KCNH8: variants seen among roughly 807,000 people sequenced by gnomAD.
KCNH8 encodes potassium voltage-gated channel subfamily H member 8, also known as voltage-gated delayed rectifier potassium channel KCNH8.
A neutral mutation model predicts 103.6 loss-of-function variants in KCNH8; 70 were observed. That is an observed-to-expected ratio of 0.68 (90% confidence interval 0.56 to 0.82). KCNH8 has a LOEUF of 0.82. Among genes scored for constraint, KCNH8 ranks in the 40% least tolerant of loss-of-function variants. KCNH8 has a pLI of 0.00. For missense variants in KCNH8, 1,217 were observed against 1,329.9 expected, an observed-to-expected ratio of 0.92 and a Z score of 1.32; for synonymous variants, 498 against 489.4, an observed-to-expected ratio of 1.02 and a Z score of -0.23.
chr3:19,240,157 G>C (rs1011878667), intron 1 of KCNH8, among the ~76,000 whole-genome samples: 11 of 151,912 alleles, frequency 7.2e-5, no homozygotes, highest in African/African-American at 2.7e-4. Context: ...CTCTTTTCAG[G>C]CTCATTTGAT....
intron 15 of KCNH8, among the ~76,000 whole-genome samples, chr3:19,529,611 A>T (rs1314361976): frequency 6.6e-6 from 1 of 152,190 alleles, no homozygotes; most frequent in Admixed American, 6.5e-5. Flanking sequence ...TTTTGATAGC[A>T]AGCACAGCAG....
chr3:19,432,235 A>AT (rs2067133949), intron 7 of KCNH8, among the ~76,000 whole-genome samples: 1 of 152,134 alleles, frequency 6.6e-6, no homozygotes, highest in African/African-American at 2.4e-5. Context: ...CGTGATTAGA[A>AT]TTTTCTTTTG....
intron 7 of KCNH8, among the ~76,000 whole-genome samples, chr3:19,419,294 G>T (rs1414342326): frequency 2.7e-5 from 4 of 149,310 alleles, no homozygotes; most frequent in African/African-American, 9.9e-5. Context: ...CTGCCTCCCG[G>T]GTTCACGCCA....
At chr3:19,157,860 C>T (rs980975593) in intron 1 of KCNH8, among the ~76,000 whole-genome samples, 2 of 151,672 alleles carry the variant, frequency 1.3e-5, no homozygotes, top group African/African-American at 4.8e-5. Context: ...AAAAATGGAA[C>T]ACTTTATTAG....
At chr3:19,524,900 C>G (rs1159893928) in intron 15 of KCNH8, among the ~76,000 whole-genome samples, 2 of 151,836 alleles carry the variant, frequency 1.3e-5, no homozygotes, top group African/African-American at 2.4e-5. Context: ...CAGAAGTTCA[C>G]CACAACTCCT....
chr3:19,316,431 A>T (rs146706130), intron 3 of KCNH8, among the ~76,000 whole-genome samples: 3 of 152,144 alleles, frequency 2.0e-5, no homozygotes, highest in African/African-American at 4.8e-5. Flanking sequence ...AAGATTAAGG[A>T]ATAGAAGCAG....
intron 1 of KCNH8, among the ~76,000 whole-genome samples, chr3:19,170,705 CACATATAT>C (rs2063336346): frequency 7.4e-6 from 1 of 135,410 alleles, no homozygotes; most frequent in African/African-American, 2.6e-5. Context: ...CATATATATA[CACATATAT>C]ACACACACAT....
chr3:19,172,535 T>A (rs1046084442), intron 1 of KCNH8, among the ~76,000 whole-genome samples: 4 of 152,226 alleles, frequency 2.6e-5, no homozygotes, highest in Non-Finnish European at 5.9e-5. Context: ...CATTGTTGTT[T>A]TCATCACTGT....
At chr3:19,415,616 G>A (rs573552062) in intron 7 of KCNH8, among the ~76,000 whole-genome samples, 1 of 152,006 alleles carries the variant, frequency 6.6e-6, no homozygotes, top group East Asian at 1.9e-4. Context: ...ATATATGCAC[G>A]AATTCCTCCA....
At chr3:19,185,962 A>C (rs1414494285) in intron 1 of KCNH8, among the ~76,000 whole-genome samples, 4 of 151,982 alleles carry the variant, frequency 2.6e-5, no homozygotes, top group African/African-American at 4.8e-5. Flanking sequence ...CTCTGCTTCA[A>C]AATGTAAGTT....
intron 2 of KCNH8, among the ~76,000 whole-genome samples, chr3:19,264,813 A>G (rs78002053): frequency 0.039 from 5,874 of 152,122 alleles, 388 homozygotes; most frequent in African/African-American, 0.13. Context: ...CCTTTGAGGA[A>G]TATCCTATTA....
chr3:19,374,021 A>G, intron 5 of KCNH8, among the ~76,000 whole-genome samples: 1 of 152,142 alleles, frequency 6.6e-6, no homozygotes, highest in Non-Finnish European at 1.5e-5. Context: ...GGAGTGCTTT[A>G]CTTCCAAGTA....
intron 3 of KCNH8, among the ~76,000 whole-genome samples, chr3:19,318,973 T>A (rs2065314255): frequency 6.6e-6 from 1 of 151,938 alleles, no homozygotes; most frequent in Non-Finnish European, 1.5e-5. Context: ...TTTCTATTCA[T>A]GCCCTTAGCT....
intron 7 of KCNH8, among the ~76,000 whole-genome samples, chr3:19,400,021 TC>T (rs2066586791): frequency 6.6e-6 from 1 of 150,698 alleles, no homozygotes; most frequent in African/African-American, 2.4e-5. Flanking sequence ...TGTGCGGGAG[TC>T]CTAACTTCCC....
rs2068855951 is a variant in KCNH8, at chr3:19,515,353, A to C, written c.2467A>C (p.Ser823Arg). The C allele has an allele frequency of 6.3e-7, 1 of 1,588,156 alleles. No individual in the cohort carries two copies. Among genetic ancestry groups the C allele is most frequent in the Non-Finnish European group, 8.6e-7 (1 of 1,167,044 alleles). ...IVDGIEDGNS[S>R]EESQTFDFGS... ...TGATGGAATTGAAGATGGAAACAGC[A>C]GTGAAGAAAGTCAGACTTTTGATTT... The change falls in exon 14 of 16, where the codon AGT becomes CGT. Residue 823 changes from serine (S) to arginine (R), a missense_variant. Ser to Arg is a moderately radical substitution (Grantham distance 110). Around this residue, in one of 3 missense-constraint regions of KCNH8, gnomAD observed 558 missense variants for 495.8 expected, o/e 1.13. Transcript: ENST00000328405.
intron 1 of KCNH8, among the ~76,000 whole-genome samples, chr3:19,211,161 T>C (rs2063767161): frequency 6.6e-6 from 1 of 152,110 alleles, no homozygotes; most frequent in Non-Finnish European, 1.5e-5. Context: ...AAGACATAGT[T>C]TCCACCCATA....
chr3:19,282,258 G>T (rs1170014075), intron 3 of KCNH8, among the ~76,000 whole-genome samples: 3 of 152,082 alleles, frequency 2.0e-5, no homozygotes, highest in African/African-American at 7.2e-5. Flanking sequence ...CCTTGCAAAT[G>T]CATGTCTGTT....
chr3:19,352,522 T>TA (rs1013898618), intron 5 of KCNH8, among the ~76,000 whole-genome samples: 3 of 152,042 alleles, frequency 2.0e-5, no homozygotes, highest in African/African-American at 7.2e-5. Flanking sequence ...ACAGAAATTA[T>TA]AAAAAAGTGT....
chr3:19,342,189 C>T (rs542322942), intron 3 of KCNH8, among the ~76,000 whole-genome samples: 1 of 151,932 alleles, frequency 6.6e-6, no homozygotes, highest in African/African-American at 2.4e-5. Flanking sequence ...TACATTTATG[C>T]AGAGAAAAAA....
Sources: gnomAD v4.1 joint callset for allele counts (sites outside exome capture counted in the v4.1 genomes callset) on GRCh38, gnomAD v4.1.1 for gene constraint, gnomAD v4.1.1 regional missense constraint, MANE v1.5 for transcripts, NCBI Gene and HGNC (gene_info 2026-07-23, HGNC 2026-07-21) for gene names.